The following GPD1L variants were observed in gnomAD, a reference collection of about 807,000 sequenced individuals.
GPD1L encodes the protein glycerol-3-phosphate dehydrogenase 1 like, also known as glycerol-3-phosphate dehydrogenase 1-like protein.
A neutral mutation model predicts 32.9 loss-of-function variants in GPD1L; 17 were observed. The observed-to-expected ratio is 0.52, with a 90% CI of 0.35 to 0.78. The LOEUF is 0.78. Ranked by LOEUF, GPD1L falls within the 30% of genes least tolerant of loss-of-function variation. The pLI, the probability that GPD1L is intolerant of heterozygous loss-of-function variation, is 0.01. For missense variants in GPD1L, 361 were observed against 447.8 expected (o/e 0.81, Z 1.75); for synonymous variants, 187 against 165.9 (o/e 1.13, Z -0.98).
At position 32,146,332 on chromosome 3, in the gene GPD1L, C is replaced by T. The variant is rs144267030; in HGVS notation, c.506-290C>T. Among the ~76,000 whole-genome samples the T allele has an allele frequency of 5.6e-3, 848 of 152,066 alleles. 9 individuals carry two copies. Among genetic ancestry groups the T allele is most frequent in the African/African-American group, 0.019 (779 of 41,460 alleles). On this transcript the variant is annotated intron_variant, in intron 4 of 7. Transcript: ENST00000282541. ...CAATCTCTTGACCTCGTGATCTGCC[C>T]GCCTCAGCCTCCCAAAGTGCTGGGA...
intron 5 of GPD1L, among the ~76,000 whole-genome samples, chr3:32,147,579 C>G (rs1700850872): frequency 6.6e-6 from 1 of 152,156 alleles, no homozygotes; most frequent in East Asian, 1.9e-4. Context: ...CCCTCACTAT[C>G]TAAGTTGCCT....
At position 32,146,711 on chromosome 3, in the gene GPD1L, G is replaced by A; in HGVS notation, c.595G>A (p.Val199Ile). The A allele has an allele frequency of 6.2e-7, 1 of 1,609,502 alleles. No homozygotes were observed. Among genetic ancestry groups the A allele is most frequent in the Non-Finnish European group, 8.5e-7 (1 of 1,175,850 alleles). ...TACCGTGGTTGATGATGCAGACACT[G>A]TTGAACTCTGTGGTGCGCTTAAGGT... ...RITVVDDADT[V>I]ELCGALKNIV... The change falls in exon 5 of 8, where the codon GTT becomes ATT. Residue 199 changes from valine (V) to isoleucine (I), a missense_variant. Physicochemically the swap from Val to Ile is conservative, Grantham distance 29. Coordinates refer to ENST00000282541, the MANE Select transcript of GPD1L (RefSeq NM_015141.4).
intron 1 of GPD1L, among the ~76,000 whole-genome samples, chr3:32,123,799 TAGA>T (rs1186766328): frequency 7.3e-5 from 9 of 123,670 alleles, no homozygotes; most frequent in African/African-American, 2.5e-4. Context: ...GAAAGATAGA[TAGA>T]TAGATAGATA....
In GPD1L at chr3:32,106,987, G is replaced by C. The variant is rs1435375330; in HGVS notation, c.47+229G>C. ...GTGCGTGCGGGGGACAGCGCGGAGA[G>C]AGGGCACCCCGAGCACGCGGGCACC... is the stretch of plus-strand genomic sequence containing the variant. On this transcript the variant is annotated intron_variant, in intron 1 of 7. Coordinates refer to ENST00000282541, the MANE Select transcript of GPD1L (RefSeq NM_015141.4). The surrounding 1 kb of genome is among the most constrained non-coding windows in gnomAD (Gnocchi z 4.0). 6.6e-6 allele frequency among the ~76,000 whole-genome samples: 1 copy of C among 152,218 alleles called. No individual in the cohort carries two copies. Among genetic ancestry groups the C allele is most frequent in the Non-Finnish European group, 1.5e-5 (1 of 68,028 alleles).
chr3:32,124,623 T>C (rs923214024), intron 1 of GPD1L, among the ~76,000 whole-genome samples: 2 of 152,146 alleles, frequency 1.3e-5, no homozygotes, highest in Non-Finnish European at 2.9e-5. Flanking sequence ...AGAGAAAATA[T>C]TGAGTTCAAC....
At chr3:32,122,414 G>C (rs781715557) in intron 1 of GPD1L, among the ~76,000 whole-genome samples, 1 of 151,964 alleles carries the variant, frequency 6.6e-6, no homozygotes, top group Non-Finnish European at 1.5e-5. Flanking sequence ...CTCTCTTATG[G>C]GCTGTAATAA....
chr3:32,114,262 G>C (rs1315955887), intron 1 of GPD1L, among the ~76,000 whole-genome samples: 1 of 152,216 alleles, frequency 6.6e-6, no homozygotes, highest in Non-Finnish European at 1.5e-5. Flanking sequence ...CCTTCAGCAG[G>C]CTAGCTTAGG....
At chr3:32,131,151 G>T (rs1700582059) in intron 2 of GPD1L, among the ~76,000 whole-genome samples, 2 of 151,990 alleles carry the variant, frequency 1.3e-5, no homozygotes, top group East Asian at 3.9e-4. Flanking sequence ...GGATTCTTTT[G>T]CTTCCCTGTT....
At chr3:32,110,458 C>T (rs1051463182) in intron 1 of GPD1L, among the ~76,000 whole-genome samples, 1 of 152,204 alleles carries the variant, frequency 6.6e-6, no homozygotes, top group African/African-American at 2.4e-5. Flanking sequence ...GGCAGCTTAG[C>T]CTGTTTGTGT....
intron 5 of GPD1L, among the ~76,000 whole-genome samples, chr3:32,147,414 C>G (rs1700846746): frequency 6.6e-6 from 1 of 152,166 alleles, no homozygotes; most frequent in African/African-American, 2.4e-5. Context: ...TTTATGTTAT[C>G]TTTTTTTCCC....
In GPD1L at chr3:32,134,276, T is replaced by C. The variant is rs78071478; in HGVS notation, c.226-4311T>C. On this transcript the variant is annotated intron_variant, in intron 2 of 7. Transcript: ENST00000282541. Reference sequence around the variant, plus strand: ...TGTAAGAGGAATAATGTTCTGTGAATGGACCATGCACACCATAAAAATACA... The same window carrying C: ...TGTAAGAGGAATAATGTTCTGTGAACGGACCATGCACACCATAAAAATACA... Among the ~76,000 whole-genome samples, 3,609 of 152,322 alleles carry C rather than the reference T, an allele frequency of 0.024. 296 individuals carry two copies. In the East Asian group the frequency reaches 0.25, roughly 11 times the overall value.
intron 4 of GPD1L, among the ~76,000 whole-genome samples, chr3:32,146,083 C>CTTTTTTTTTTT (rs59106750): frequency 2.4e-5 from 3 of 126,156 alleles, no homozygotes; most frequent in Non-Finnish European, 5.0e-5. Flanking sequence ...ATGCTTTTTT[C>CTTTTTTTTTTT]TTTTTTTTTT....
chr3:32,147,181 GT>G (rs1164715038), intron 5 of GPD1L, among the ~76,000 whole-genome samples: 1 of 149,086 alleles, frequency 6.7e-6, no homozygotes, highest in African/African-American at 2.5e-5. Flanking sequence ...GCTGGTAGAG[GT>G]TTTTCTAAGA....
chr3:32,124,360 C>T (rs748301808), intron 1 of GPD1L, among the ~76,000 whole-genome samples: 5 of 152,194 alleles, frequency 3.3e-5, no homozygotes, highest in South Asian at 2.1e-4. Context: ...CCACCACCCC[C>T]GGCCCATTTC....
At chr3:32,110,551 T>C (rs1700231470) in intron 1 of GPD1L, among the ~76,000 whole-genome samples, 1 of 152,262 alleles carries the variant, frequency 6.6e-6, no homozygotes, top group African/African-American at 2.4e-5. Flanking sequence ...AATACAGTTA[T>C]CAGAATATTG....
At chr3:32,129,352 G>A (rs150667248) in intron 2 of GPD1L, among the ~76,000 whole-genome samples, 17 of 152,310 alleles carry the variant, frequency 1.1e-4, no homozygotes, top group African/African-American at 3.6e-4. Flanking sequence ...GGAACTGAGC[G>A]GGGGAGACCG....
intron 5 of GPD1L, among the ~76,000 whole-genome samples, chr3:32,155,095 C>G (rs1215656768): frequency 6.6e-6 from 1 of 152,158 alleles, no homozygotes; most frequent in Non-Finnish European, 1.5e-5. Context: ...CCTTTGACAA[C>G]CAATTGCAAA....
chr3:32,142,964 G>A (rs1700769187), intron 4 of GPD1L, among the ~76,000 whole-genome samples: 1 of 152,042 alleles, frequency 6.6e-6, no homozygotes. Flanking sequence ...ATCTTCTGAG[G>A]CCAAGAGTTT....
chr3:32,154,271 A>G (rs540738607), intron 5 of GPD1L, among the ~76,000 whole-genome samples: 16 of 152,268 alleles, frequency 1.1e-4, no homozygotes, highest in Admixed American at 2.0e-4. Context: ...AGCTTCTAGT[A>G]GAAGCTTTGG....
Sources: gnomAD v4.1 joint callset for allele counts (sites outside exome capture counted in the v4.1 genomes callset) on GRCh38, gnomAD v4.1.1 for gene constraint, Gnocchi (gnomAD v3.1) non-coding constraint, MANE v1.5 for transcripts, NCBI Gene and HGNC (gene_info 2026-07-23, HGNC 2026-07-21) for gene names.